The following FLVCR1 variants were observed in gnomAD, a reference collection of about 807,000 sequenced individuals.
FLVCR1 encodes FLVCR choline and heme transporter 1.
A neutral mutation model predicts 53.6 loss-of-function variants in FLVCR1; 34 were observed. The ratio of observed to expected loss-of-function variants is 0.63; its 90% confidence interval spans 0.48 to 0.84. The LOEUF (loss-of-function observed/expected upper bound fraction) is 0.84, where lower values mean the gene tolerates loss of function less well. Among genes scored for constraint, FLVCR1 ranks in the 40% least tolerant of loss-of-function variants. The probability of loss-of-function intolerance (pLI) is 0.00; values close to 1 mark genes in which losing one functional copy is unlikely to be tolerated. For synonymous variants in FLVCR1, 300 were observed against 286.3 expected (o/e 1.05, Z -0.48); for missense variants, 677 against 696.7 (o/e 0.97, Z 0.32).
rs1242828641 is a variant in FLVCR1, at chr1:212,898,540, ATATGT to A, written c.*3257_*3261del. 21 of 152,182 alleles carry A rather than the reference ATATGT, an allele frequency of 1.4e-4. No individual in the cohort carries two copies. Among genetic ancestry groups the A allele is most frequent in the African/African-American group, 4.3e-4 (18 of 41,430 alleles). 9.4% of individuals were successfully genotyped at this position (152,182 alleles called of 1,614,324 possible). The stretch of plus-strand genomic sequence containing the variant: ...CTTTATTTCTGAAAAGCATATACAT[ATATGT>A]TATGTTTATTTTTCCTTGTTGATTA... On this transcript the variant is annotated 3_prime_UTR_variant, in exon 10 of 10. Transcript: ENST00000366971.
chr1:212,877,077 CTAAT>C (rs1272796916), intron 3 of FLVCR1, among the ~76,000 whole-genome samples: 1 of 148,492 alleles, frequency 6.7e-6, no homozygotes, highest in East Asian at 2.0e-4. Context: ...TTGCATTTCT[CTAAT>C]TATCAGTGAT....
chr1:212,894,836 G>T (rs1665291461), intron 8 of FLVCR1, 150 bp from the exon 9 acceptor site: 7 of 697,134 alleles, frequency 1.0e-5, no homozygotes, highest in Non-Finnish European at 1.1e-5. Context: ...CTTTAGAGAG[G>T]TACTATTATT....
Position 212,895,062 on chromosome 1 carries a change from T to C in FLVCR1, c.1593+9T>C, listed in dbSNP as rs17019870. 331,559 of 1,496,418 alleles carry C rather than the reference T, an allele frequency of 0.22. 42,203 individuals carry two copies. Among genetic ancestry groups the C allele is most frequent in the Admixed American group, 0.51 (30,467 of 59,856 alleles). The allele number at this position is 1,496,418 out of a possible 1,614,324, so 92.7% of individuals were successfully genotyped here. ...ATGTTGATGTTAAAGCTGTAAGTAA[T>C]ATTTTTATGATTATACTGTTGAGAA... On this transcript the variant is annotated intron_variant, in intron 9 of 9. Transcript: ENST00000366971.
chr1:212,894,865 C>A, intron 8 of FLVCR1, 121 bp from the exon 9 acceptor site: 1 of 760,030 alleles, frequency 1.3e-6, no homozygotes, highest in Non-Finnish European at 2.4e-6. Context: ...TGTTGGGATG[C>A]TATTAAATAT....
At chr1:212,875,630 G>A (rs1354377614) in intron 3 of FLVCR1, among the ~76,000 whole-genome samples, 2 of 151,982 alleles carry the variant, frequency 1.3e-5, no homozygotes, top group Non-Finnish European at 2.9e-5. Context: ...ATCACTTGAG[G>A]CCAGTTCAAG....
intron 3 of FLVCR1, among the ~76,000 whole-genome samples, chr1:212,879,067 T>C (rs1462400877): frequency 6.6e-6 from 1 of 152,146 alleles, no homozygotes; most frequent in Non-Finnish European, 1.5e-5. Flanking sequence ...GGATATACCA[T>C]GTTATAAAAG....
At position 212,858,518 on chromosome 1, in the gene FLVCR1, C is replaced by T; in HGVS notation, c.66C>T (p.Tyr22=). Residue 22 remains tyrosine (Y), a synonymous_variant, in exon 1 of 10, where the codon TAC becomes TAT. Coordinates refer to ENST00000366971, the MANE Select transcript of FLVCR1 (RefSeq NM_014053.4). ...CCGGACACCCGCTCGCGAAAGGATA[C>T]CTCCCGTTGCCGAGGGGCGCGCCCG... ...VAPGHPLAKG[Y]LPLPRGAPVG... is the part of the protein sequence containing the mutation. The T allele has an allele frequency of 2.1e-6, 3 of 1,458,386 alleles. No homozygotes were observed. The highest frequency in any genetic ancestry group is 2.7e-6 in the Non-Finnish European group (3 of 1,107,878). The allele number at this position is 1,458,386 out of a possible 1,614,324, so 90.3% of individuals were successfully genotyped here.
At chr1:212,888,383 C>T (rs1665111569) in intron 6 of FLVCR1, 106 bp from the exon 7 acceptor site, 2 of 803,156 alleles carry the variant, frequency 2.5e-6, no homozygotes, top group Middle Eastern at 2.2e-4. Context: ...TCAAAATATT[C>T]ACTTATTTGG....
At position 212,858,765 on chromosome 1, in the gene FLVCR1, C is replaced by G; in HGVS notation, c.313C>G (p.Pro105Ala). Residue 105 changes from proline (P) to alanine (A), a missense_variant, in exon 1 of 10, where the codon CCG (proline) becomes GCG (alanine). Physicochemically the swap from Pro to Ala is conservative, Grantham distance 27 (BLOSUM62 -1). Coordinates refer to ENST00000366971, the MANE Select transcript of FLVCR1 (RefSeq NM_014053.4). ...CCCGCTGCCCCTTACGGCGCTCTCC[C>G]CGCGGCGCTTCGTGGTGCTCCTGAT... ...SSPLPLTALS[P>A]RRFVVLLIFS... The G allele has an allele frequency of 6.2e-7, 1 of 1,613,938 alleles. No homozygotes were observed. Among genetic ancestry groups the G allele is most frequent in the South Asian group, 1.1e-5 (1 of 91,074 alleles).
At position 212,878,000 on chromosome 1, in the gene FLVCR1, C is replaced by T. The variant is rs544834174; in HGVS notation, c.1024+5182C>T. 9.2e-5 allele frequency among the ~76,000 whole-genome samples: 14 copies of T among 152,226 alleles called. No individual in the cohort carries two copies. The South Asian group carries it at 2.5e-3, about 27-fold the overall frequency. On this transcript the variant is annotated intron_variant, in intron 3 of 9. Coordinates refer to ENST00000366971, the MANE Select transcript of FLVCR1 (RefSeq NM_014053.4). Reference sequence around the variant, plus strand: ...ATTCTGCATATCAGAGGTCAGCAAACCATGACCCATGAGCCAAATCTGGAC... The same window carrying T: ...ATTCTGCATATCAGAGGTCAGCAAATCATGACCCATGAGCCAAATCTGGAC...
chr1:212,885,420 T>C (rs762596499), intron 5 of FLVCR1, 24 bp downstream of exon 5: 6 of 1,516,680 alleles, frequency 4.0e-6, no homozygotes, highest in African/African-American at 1.4e-5. Flanking sequence ...AATACATGTA[T>C]GGTGTATAAC....
chr1:212,884,804 A>G (rs569809826), intron 4 of FLVCR1, among the ~76,000 whole-genome samples: 1 of 152,350 alleles, frequency 6.6e-6, no homozygotes, highest in Non-Finnish European at 1.5e-5. Flanking sequence ...TATTGCTCCT[A>G]GGCTACAAAC....
At chr1:212,892,679 C>T (rs1319880834) in intron 8 of FLVCR1, among the ~76,000 whole-genome samples, 3 of 152,138 alleles carry the variant, frequency 2.0e-5, no homozygotes, top group Non-Finnish European at 4.4e-5. Context: ...GCCCGTGGAT[C>T]AAGGAGTAAT....
chr1:212,888,384 A>G (rs1665111626), intron 6 of FLVCR1, 105 bp from the exon 7 acceptor site: 1 of 807,020 alleles, frequency 1.2e-6, no homozygotes, highest in South Asian at 1.4e-5. Flanking sequence ...CAAAATATTC[A>G]CTTATTTGGT....
intron 8 of FLVCR1, among the ~76,000 whole-genome samples, chr1:212,892,028 G>A (rs183721003): frequency 3.0e-4 from 46 of 152,334 alleles, no homozygotes; most frequent in African/African-American, 9.9e-4. Flanking sequence ...TTCTGTGAAC[G>A]TTGAAAGAGG....
chr1:212,874,972 AT>A (rs1436200035), intron 3 of FLVCR1, among the ~76,000 whole-genome samples: 1 of 151,534 alleles, frequency 6.6e-6, no homozygotes, highest in Non-Finnish European at 1.5e-5. Flanking sequence ...TACACTGTTA[AT>A]TCTAGTCTCT....
intron 3 of FLVCR1, among the ~76,000 whole-genome samples, chr1:212,880,056 T>C (rs1664881229): frequency 6.6e-6 from 1 of 151,896 alleles, no homozygotes; most frequent in Non-Finnish European, 1.5e-5. Flanking sequence ...AAAATCACCA[T>C]AGGGTGCAGT....
rs758360521 is a variant in FLVCR1, at chr1:212,897,794, A to G, written c.*2504A>G. 6.6e-6 allele frequency: 1 copy of G among 152,238 alleles called. No homozygotes were observed. Among genetic ancestry groups the G allele is most frequent in the East Asian group, 1.9e-4 (1 of 5,206 alleles). 9.4% of individuals were successfully genotyped at this position (152,238 alleles called of 1,614,324 possible). On this transcript the variant is annotated 3_prime_UTR_variant, in exon 10 of 10. Transcript: ENST00000366971. Reference sequence around the variant, plus strand: ...ATTACTGCAAGGACAGCACCAAGCCATGAGGGATCCACCCGCAGGACCCAA... The same window carrying G: ...ATTACTGCAAGGACAGCACCAAGCCGTGAGGGATCCACCCGCAGGACCCAA...
Position 212,889,853 on chromosome 1 carries a change from C to T in FLVCR1, c.1525+596C>T, listed in dbSNP as rs1168568088. Reference sequence around the variant, plus strand: ...CTCAGTGGGAGTGTGACTTTAGACCCGTTGCTTAACCTCTCAAATCCTCCT... The same window carrying T: ...CTCAGTGGGAGTGTGACTTTAGACCTGTTGCTTAACCTCTCAAATCCTCCT... On this transcript the variant is annotated intron_variant, in intron 8 of 9. Coordinates refer to ENST00000366971, the MANE Select transcript of FLVCR1 (RefSeq NM_014053.4). Among the ~76,000 whole-genome samples the T allele has an allele frequency of 3.3e-5, 5 of 152,092 alleles. No homozygotes were observed. In the South Asian group the frequency reaches 6.2e-4, roughly 19 times the overall value.
Sources: gnomAD v4.1 joint callset for allele counts (sites outside exome capture counted in the v4.1 genomes callset) on GRCh38, gnomAD v4.1.1 for gene constraint, MANE v1.5 for transcripts, NCBI Gene and HGNC (gene_info 2026-07-23, HGNC 2026-07-21) for gene names.